TRAPPC9: variants seen among roughly 807,000 people sequenced by gnomAD.
TRAPPC9 encodes trafficking protein particle complex subunit 9.
TRAPPC9 carries 83 observed loss-of-function variants against 124.0 expected under a neutral mutation model. The ratio of observed to expected loss-of-function variants is 0.67; its 90% CI spans 0.56 to 0.80. The LOEUF is 0.80. Among genes scored for constraint, TRAPPC9 ranks in the 30% least tolerant of loss-of-function variants. The probability of loss-of-function intolerance (pLI) is 0.00; values close to 1 mark genes in which losing one functional copy is unlikely to be tolerated. For missense variants in TRAPPC9, 1,302 were observed against 1,508.3 expected (o/e 0.86, Z 2.27); for synonymous variants, 638 against 617.5 (o/e 1.03, Z -0.49).
chr8:140,047,469 G>A (rs1255312676), intron 17 of TRAPPC9, among the ~76,000 whole-genome samples: 1 of 152,256 alleles, frequency 6.6e-6, no homozygotes, highest in African/African-American at 2.4e-5. Flanking sequence ...CGGGTCCCCA[G>A]GGGCCAGAGG....
intron 21 of TRAPPC9, among the ~76,000 whole-genome samples, chr8:139,822,543 G>A (rs1825319777): frequency 6.6e-6 from 1 of 152,142 alleles, no homozygotes; most frequent in Non-Finnish European, 1.5e-5. Context: ...GCACACCCAG[G>A]GGCCAGACCT....
intron 17 of TRAPPC9, among the ~76,000 whole-genome samples, chr8:140,108,325 T>C (rs1346791185): frequency 1.3e-5 from 2 of 152,254 alleles, no homozygotes; most frequent in Non-Finnish European, 2.9e-5. Context: ...GTATCTTAGA[T>C]ACCTGGCAGC....
At chr8:139,929,985 G>A (rs577421542) in intron 19 of TRAPPC9, among the ~76,000 whole-genome samples, 3 of 152,342 alleles carry the variant, frequency 2.0e-5, no homozygotes, top group African/African-American at 7.2e-5. Context: ...CACACAGAAG[G>A]CCATCAATAT....
intron 7 of TRAPPC9, among the ~76,000 whole-genome samples, chr8:140,396,137 CCT>C (rs1491229461): frequency 7.7e-4 from 80 of 103,602 alleles, no homozygotes; most frequent in African/African-American, 3.3e-3. Context: ...TAAGACCTTG[CCT>C]TTTTTTTTTT....
At chr8:140,245,026 G>C (rs1051435894) in intron 16 of TRAPPC9, among the ~76,000 whole-genome samples, 3 of 151,678 alleles carry the variant, frequency 2.0e-5, no homozygotes, top group Non-Finnish European at 4.4e-5. Context: ...GGATGGTCTC[G>C]ATCTCCTGAC....
At chr8:140,072,512 C>T (rs575237478) in intron 17 of TRAPPC9, among the ~76,000 whole-genome samples, 149 of 141,144 alleles carry the variant, frequency 1.1e-3, no homozygotes, top group Non-Finnish European at 1.8e-3. Flanking sequence ...AGCGAGACTC[C>T]GTCTCAAAAA....
chr8:139,918,256 G>A (rs935571488), intron 19 of TRAPPC9, among the ~76,000 whole-genome samples: 2 of 152,228 alleles, frequency 1.3e-5, no homozygotes. Flanking sequence ...TCAGGAAACG[G>A]TGGCCTCTTG....
intron 17 of TRAPPC9, among the ~76,000 whole-genome samples, chr8:140,046,960 G>A (rs868450485): frequency 1.3e-5 from 2 of 152,202 alleles, no homozygotes; most frequent in African/African-American, 2.4e-5. Flanking sequence ...ATAGAAACGT[G>A]TACAGAAAAA....
intron 19 of TRAPPC9, among the ~76,000 whole-genome samples, chr8:139,982,921 C>T (rs59249672): frequency 0.19 from 29,474 of 152,110 alleles, 3,460 homozygotes; most frequent in African/African-American, 0.34. Flanking sequence ...CCTGCCTGCA[C>T]GGCTCTCCCT....
At chr8:140,039,408 G>C (rs1350815198) in intron 17 of TRAPPC9, among the ~76,000 whole-genome samples, 1 of 152,132 alleles carries the variant, frequency 6.6e-6, no homozygotes, top group East Asian at 1.9e-4. Context: ...ATAAACAGTG[G>C]GAGGATTTTC....
At chr8:139,883,702 C>G (rs934901446) in intron 21 of TRAPPC9, among the ~76,000 whole-genome samples, 1 of 152,224 alleles carries the variant, frequency 6.6e-6, no homozygotes, top group African/African-American at 2.4e-5. Context: ...TTTTCTTCAT[C>G]TGAAATTCCC....
At chr8:140,236,024 T>A (rs749186291) in intron 16 of TRAPPC9, among the ~76,000 whole-genome samples, 1 of 151,748 alleles carries the variant, frequency 6.6e-6, no homozygotes, top group African/African-American at 2.4e-5. Context: ...AGTATACAGT[T>A]GTGACACTTT....
intron 17 of TRAPPC9, among the ~76,000 whole-genome samples, chr8:140,168,665 C>T (rs1385125983): frequency 1.3e-5 from 2 of 152,138 alleles, no homozygotes; most frequent in Non-Finnish European, 2.9e-5. Flanking sequence ...GTCTGGTCCT[C>T]CCTCGAAGGC....
rs1341705766 is a variant in TRAPPC9, at chr8:139,728,570, C to T, written c.*2491G>A. On this transcript the variant is annotated 3_prime_UTR_variant, in exon 23 of 23. Coordinates refer to ENST00000438773, the MANE Select transcript of TRAPPC9 (RefSeq NM_001160372.4). Reference sequence around the variant, plus strand: ...CTCCACAGCCAGAAAGACCCAGCCACAGAAATGCCAGCAAACAACACCCCT... The same window carrying T: ...CTCCACAGCCAGAAAGACCCAGCCATAGAAATGCCAGCAAACAACACCCCT... Among the ~76,000 whole-genome samples the T allele has an allele frequency of 6.6e-6, 1 of 152,212 alleles. No homozygotes were observed. The highest frequency in any genetic ancestry group is 3.2e-3 in the Middle Eastern group (1 of 316).
At chr8:140,372,905 G>C (rs1041828074) in intron 7 of TRAPPC9, among the ~76,000 whole-genome samples, 1 of 152,160 alleles carries the variant, frequency 6.6e-6, no homozygotes, top group Non-Finnish European at 1.5e-5. Flanking sequence ...ACCGGACTAA[G>C]ACAATCCCCA....
intron 17 of TRAPPC9, among the ~76,000 whole-genome samples, chr8:140,092,259 G>A (rs1472563478): frequency 8.8e-5 from 13 of 147,400 alleles, no homozygotes; most frequent in African/African-American, 1.8e-4. Flanking sequence ...CTACAAGGGC[G>A]CAATCTCGGC....
At chr8:139,853,769 A>T (rs1166481521) in intron 21 of TRAPPC9, among the ~76,000 whole-genome samples, 1 of 152,214 alleles carries the variant, frequency 6.6e-6, no homozygotes, top group African/African-American at 2.4e-5. Context: ...CTGAGCACCC[A>T]GGGTAGAGCC....
chr8:140,319,912 G>T (rs975305224), intron 9 of TRAPPC9, among the ~76,000 whole-genome samples: 1 of 152,186 alleles, frequency 6.6e-6, no homozygotes, highest in Non-Finnish European at 1.5e-5. Context: ...AGTGCATCAC[G>T]ATTTCACAGT....
intron 21 of TRAPPC9, among the ~76,000 whole-genome samples, chr8:139,792,423 C>CGTGGGCCTGGCTGCGT (rs1230500506): frequency 3.3e-5 from 5 of 152,184 alleles, no homozygotes; most frequent in African/African-American, 1.2e-4. Flanking sequence ...CGCGTGTGTG[C>CGTGGGCCTGGCTGCGT]GTGGGCCTGG....
Sources: allele counts gnomAD v4.1 joint callset (sites outside exome capture counted in the v4.1 genomes callset), GRCh38; gene constraint gnomAD v4.1.1; transcripts MANE v1.5; gene names NCBI Gene and HGNC (gene_info 2026-07-23, HGNC 2026-07-21).